Variants in TENM2 observed in about 807,000 individuals in gnomAD.
The protein encoded by TENM2 is teneurin-2.
TENM2 carries 52 observed loss-of-function variants against 245.2 expected under a neutral mutation model. That is an observed-to-expected ratio of 0.21 (90% CI 0.17 to 0.27). The LOEUF is 0.27. Among genes scored for constraint, TENM2 ranks in the 10% least tolerant of loss-of-function variants. The pLI is 1.00. For synonymous variants in TENM2, 1,363 were observed against 1,438.9 expected (o/e 0.95, Z 1.19); for missense variants, 3,046 against 3,666.8 (o/e 0.83, Z 4.37).
chr5:168,256,614 G>T (rs1349667210), intron 27 of TENM2, among the ~76,000 whole-genome samples: 3 of 151,942 alleles, frequency 2.0e-5, no homozygotes, highest in African/African-American at 7.3e-5. Flanking sequence ...TAGTCGAGAC[G>T]AGGTTTCACC....
the TENM2 span, among the ~76,000 whole-genome samples, chr5:167,063,539 G>A: frequency 5.5e-4 from 84 of 152,248 alleles, 1 homozygote; most frequent in African/African-American, 1.9e-3. Flanking sequence ...GGCCAGGGGT[G>A]GGGGAATCTC....
rs577592856 is a variant in TENM2 at position 167,532,731 on chromosome 5, T to C, written c.502+157258T>C. Among the ~76,000 whole-genome samples the C allele has an allele frequency of 1.4e-4, 21 of 151,020 alleles. No homozygotes were observed. The South Asian group carries it at 4.4e-3, about 32-fold the overall frequency. On this transcript the variant is annotated intron_variant, in intron 2 of 28. Transcript: ENST00000518659. ...CTATATATGTATATATACACACACA[T>C]ATATACACACACCCATATATACACA...
chr5:167,837,966 C>T (rs567809352), intron 2 of TENM2, among the ~76,000 whole-genome samples: 1 of 152,180 alleles, frequency 6.6e-6, no homozygotes, highest in East Asian at 1.9e-4. Flanking sequence ...TTTTGGTTCC[C>T]CTCAGAATGT....
chr5:167,052,570 T>C, the TENM2 span, among the ~76,000 whole-genome samples: 5 of 152,162 alleles, frequency 3.3e-5, no homozygotes, highest in Admixed American at 2.6e-4. Flanking sequence ...TGGAAAACAG[T>C]GAATTACTTA....
At chr5:167,054,706 G>A in the TENM2 span, among the ~76,000 whole-genome samples, 1 of 152,104 alleles carries the variant, frequency 6.6e-6, no homozygotes, top group Non-Finnish European at 1.5e-5. Context: ...TATTGTCAGT[G>A]TCTTAAATTT....
At chr5:168,014,060 A>G (rs1785472839) in intron 5 of TENM2, among the ~76,000 whole-genome samples, 1 of 152,202 alleles carries the variant, frequency 6.6e-6, no homozygotes, top group Non-Finnish European at 1.5e-5. Flanking sequence ...TAACTTGATT[A>G]TCTGCAAAGA....
At chr5:167,498,543 C>T (rs1768962122) in intron 2 of TENM2, among the ~76,000 whole-genome samples, 1 of 152,060 alleles carries the variant, frequency 6.6e-6, no homozygotes, top group South Asian at 2.1e-4. Flanking sequence ...ACCCTCTGGT[C>T]TAAACGTTTT....
chr5:167,358,844 CACACACA>C (rs1561891664), intron 1 of TENM2, among the ~76,000 whole-genome samples: 12 of 97,772 alleles, frequency 1.2e-4, no homozygotes, highest in East Asian at 6.9e-4. Context: ...CACACACACA[CACACACA>C]CCCTGCTGTT....
the TENM2 span, among the ~76,000 whole-genome samples, chr5:167,098,202 G>A: frequency 6.6e-6 from 1 of 152,182 alleles, no homozygotes; most frequent in Admixed American, 6.5e-5. Flanking sequence ...AATAACATGT[G>A]TGTATAGCTG....
At chr5:167,790,170 T>G (rs573822505) in intron 2 of TENM2, among the ~76,000 whole-genome samples, 101 of 152,188 alleles carry the variant, frequency 6.6e-4, no homozygotes, top group Non-Finnish European at 1.2e-3. Context: ...TGCACAGAGC[T>G]TCCGTTCGTG....
At chr5:167,939,759 C>T (rs996485545) in intron 3 of TENM2, among the ~76,000 whole-genome samples, 5 of 152,220 alleles carry the variant, frequency 3.3e-5, no homozygotes, top group Non-Finnish European at 7.3e-5. Context: ...AGCAAATCAT[C>T]CTCTTTCTGT....
At chr5:168,052,584 C>T (rs1305805198) in intron 6 of TENM2, among the ~76,000 whole-genome samples, 2 of 151,924 alleles carry the variant, frequency 1.3e-5, no homozygotes, top group Admixed American at 1.3e-4. Flanking sequence ...TTAACCAAAC[C>T]CCAGATGAGG....
intron 8 of TENM2, among the ~76,000 whole-genome samples, chr5:168,092,034 G>C (rs929360785): frequency 1.3e-5 from 2 of 152,052 alleles, no homozygotes; most frequent in Non-Finnish European, 2.9e-5. Context: ...TTTTCCTTAG[G>C]AATATGTCTA....
At chr5:168,240,582 G>C (rs1336984589) in intron 25 of TENM2, among the ~76,000 whole-genome samples, 1 of 152,200 alleles carries the variant, frequency 6.6e-6, no homozygotes, top group African/African-American at 2.4e-5. Flanking sequence ...CACTCAGCCT[G>C]TGTAAATGCT....
chr5:167,929,084 AG>A (rs1778043034), intron 3 of TENM2, among the ~76,000 whole-genome samples: 2 of 119,354 alleles, frequency 1.7e-5, no homozygotes, highest in Non-Finnish European at 1.7e-5. Flanking sequence ...AAAGAAAGAA[AG>A]AAAGAAAGAA....
chr5:167,688,771 A>G (rs188450668), intron 2 of TENM2, among the ~76,000 whole-genome samples: 2 of 152,340 alleles, frequency 1.3e-5, no homozygotes, highest in East Asian at 3.9e-4. Context: ...TAACACAAGC[A>G]GTGACAAAAT....
chr5:167,635,772 G>A (rs911380510), intron 2 of TENM2, among the ~76,000 whole-genome samples: 3 of 150,306 alleles, frequency 2.0e-5, no homozygotes, highest in African/African-American at 7.4e-5. Context: ...AGCCTCCCTA[G>A]TAGCTGGGAC....
At chr5:166,991,412 G>A in the TENM2 span, among the ~76,000 whole-genome samples, 17 of 151,792 alleles carry the variant, frequency 1.1e-4, no homozygotes, top group African/African-American at 4.1e-4. Context: ...TGTTTTGTGA[G>A]ATAATTTTAT....
At chr5:167,762,040 G>T (rs1040823813) in intron 2 of TENM2, among the ~76,000 whole-genome samples, 3 of 152,158 alleles carry the variant, frequency 2.0e-5, no homozygotes, top group Non-Finnish European at 4.4e-5. Context: ...GCCTGACTTG[G>T]GGCTAGGTTG....
Sources: gnomAD v4.1 joint callset for allele counts (sites outside exome capture counted in the v4.1 genomes callset) on GRCh38, gnomAD v4.1.1 for gene constraint, MANE v1.5 for transcripts, NCBI Gene and HGNC (gene_info 2026-07-23, HGNC 2026-07-21) for gene names.